The following ELMOD1 variants were observed in gnomAD, a reference collection of about 807,000 sequenced individuals.
ELMOD1 encodes ELMO domain-containing protein 1.
Under a neutral mutation model 46.7 loss-of-function variants are expected in ELMOD1, and 21 were observed. The ratio of observed to expected loss-of-function variants is 0.45; its 90% CI spans 0.32 to 0.65. The LOEUF is 0.65. Among genes scored for constraint, ELMOD1 ranks in the 30% least tolerant of loss-of-function variants. The probability of loss-of-function intolerance (pLI) is 0.04; values close to 1 mark genes in which losing one functional copy is unlikely to be tolerated. For missense variants in ELMOD1, 348 were observed against 407.8 expected, an observed-to-expected ratio of 0.85 and a Z score of 1.26; for synonymous variants, 122 against 138.2, an observed-to-expected ratio of 0.88 and a Z score of 0.82.
chr11:107,615,699 T>C (rs913974172), intron 1 of ELMOD1, among the ~76,000 whole-genome samples: 4 of 152,320 alleles, frequency 2.6e-5, no homozygotes, highest in African/African-American at 7.2e-5. Context: ...TTACGTGTAA[T>C]AGTCATAGCT....
At position 107,606,089 on chromosome 11, in the gene ELMOD1, T is replaced by A. The variant is rs971219880; in HGVS notation, c.-85-12016T>A. 3.3e-5 allele frequency among the ~76,000 whole-genome samples: 5 copies of A among 152,256 alleles called. No individual in the cohort carries two copies. The East Asian group carries it at 9.6e-4, about 29-fold the overall frequency. On this transcript the variant is annotated intron_variant, in intron 1 of 11. Coordinates refer to ENST00000265840, the MANE Select transcript of ELMOD1 (RefSeq NM_018712.4). ...CCCGTTCCTTCTCTCCTCTCTCATTTTGTTTCATGTAGTAGAGTCTTACTG... is the reference window on the plus strand; with the variant it reads ...CCCGTTCCTTCTCTCCTCTCTCATTATGTTTCATGTAGTAGAGTCTTACTG...
intron 1 of ELMOD1, 107 bp from the exon 2 acceptor site, chr11:107,617,998 T>G: frequency 1.6e-6 from 1 of 635,338 alleles, no homozygotes; most frequent in Non-Finnish European, 2.9e-6. Context: ...TTGATAATGT[T>G]CTGGGTGGCT....
chr11:107,616,593 G>T (rs1272166742), intron 1 of ELMOD1, among the ~76,000 whole-genome samples: 1 of 152,114 alleles, frequency 6.6e-6, no homozygotes, highest in Non-Finnish European at 1.5e-5. Flanking sequence ...TGGCCATGCT[G>T]GTCTTGAACG....
At chr11:107,594,202 A>C (rs1347040675) in intron 1 of ELMOD1, among the ~76,000 whole-genome samples, 2 of 151,942 alleles carry the variant, frequency 1.3e-5, no homozygotes, top group Non-Finnish European at 2.9e-5. Flanking sequence ...GTAGTCAGGG[A>C]GTGAGACGCC....
intron 2 of ELMOD1, among the ~76,000 whole-genome samples, chr11:107,628,085 TC>T (rs1421583730): frequency 1.9e-3 from 289 of 151,292 alleles, no homozygotes; most frequent in African/African-American, 6.6e-3. Context: ...TATTGCTCAA[TC>T]TTTTTTTTTT....
intron 2 of ELMOD1, among the ~76,000 whole-genome samples, chr11:107,629,052 A>G (rs1055356081): frequency 1.2e-4 from 18 of 152,146 alleles, no homozygotes; most frequent in Non-Finnish European, 2.6e-4. Context: ...AAAGTATTCC[A>G]TTATGTTATC....
chr11:107,607,589 C>T (rs899173326), intron 1 of ELMOD1, among the ~76,000 whole-genome samples: 2 of 152,068 alleles, frequency 1.3e-5, no homozygotes, highest in African/African-American at 4.8e-5. Flanking sequence ...GCCTGGGGGT[C>T]CAGGCCACAG....
At chr11:107,602,726 C>CT (rs71047612) in intron 1 of ELMOD1, among the ~76,000 whole-genome samples, 53,499 of 144,534 alleles carry the variant, frequency 0.37, 10,584 homozygotes, top group East Asian at 0.71. Context: ...TTCAGATTCC[C>CT]TTTTTTTTTT....
intron 9 of ELMOD1, among the ~76,000 whole-genome samples, chr11:107,653,035 AT>A (rs1866552844): frequency 6.6e-6 from 1 of 152,234 alleles, no homozygotes; most frequent in African/African-American, 2.4e-5. Context: ...ATAGGAATTT[AT>A]AAGTGCCCAT....
chr11:107,613,053 TA>T (rs955746696), intron 1 of ELMOD1, among the ~76,000 whole-genome samples: 12 of 152,272 alleles, frequency 7.9e-5, no homozygotes, highest in African/African-American at 2.9e-4. Context: ...ACCTTCTAAA[TA>T]TTTTTTACTT....
At chr11:107,608,426 T>C (rs1368756387) in intron 1 of ELMOD1, among the ~76,000 whole-genome samples, 1 of 151,738 alleles carries the variant, frequency 6.6e-6, no homozygotes, top group East Asian at 1.9e-4. Flanking sequence ...CATGCAGAGG[T>C]AGACTGAACT....
chr11:107,596,008 A>C (rs1233340956), intron 1 of ELMOD1, among the ~76,000 whole-genome samples: 1 of 152,110 alleles, frequency 6.6e-6, no homozygotes, highest in Admixed American at 6.5e-5. Context: ...CAAATGCCTA[A>C]GGAGAGCTTG....
intron 10 of ELMOD1, among the ~76,000 whole-genome samples, chr11:107,655,573 C>CTTTTTTTTTTTTTTTTTTTTTTTTTTTTT (rs746890763): frequency 1.8e-5 from 2 of 112,470 alleles, no homozygotes; most frequent in Non-Finnish European, 1.7e-5. Flanking sequence ...ATTGAAATGC[C>CTTTTTTTTTTTTTTTTTTTTTTTTTTTTT]TTTTTTTTTT....
intron 1 of ELMOD1, among the ~76,000 whole-genome samples, chr11:107,610,741 A>G (rs774452960): frequency 2.6e-5 from 4 of 151,982 alleles, no homozygotes; most frequent in Non-Finnish European, 5.9e-5. Context: ...ATGTAACCAT[A>G]TTGAAGTCAA....
At chr11:107,655,797 TA>T in intron 10 of ELMOD1, 135 bp from the exon 11 acceptor site, 1 of 944,804 alleles carries the variant, frequency 1.1e-6, no homozygotes, top group Non-Finnish European at 1.5e-6. Flanking sequence ...TTTTAGACCA[TA>T]AAGTGACTTC....
At position 107,615,610 on chromosome 11, in the gene ELMOD1, A is replaced by C. The variant is rs183540203; in HGVS notation, c.-85-2495A>C. Among the ~76,000 whole-genome samples the C allele has an allele frequency of 2.1e-3, 318 of 152,250 alleles. 1 individual carries two copies. Among genetic ancestry groups the C allele is most frequent in the African/African-American group, 7.3e-3 (305 of 41,534 alleles). On this transcript the variant is annotated intron_variant, in intron 1 of 11. Coordinates refer to ENST00000265840, the MANE Select transcript of ELMOD1 (RefSeq NM_018712.4). ...ATACTGATACCTTATTATTAACTAAAGTCCTTGCTTCATTCAATTTTTCTT... is the reference window on the plus strand; with the variant it reads ...ATACTGATACCTTATTATTAACTAACGTCCTTGCTTCATTCAATTTTTCTT...
chr11:107,635,499 A>G (rs1002157859), intron 5 of ELMOD1, 137 bp from the exon 6 acceptor site: 1 of 881,000 alleles, frequency 1.1e-6, no homozygotes, highest in African/African-American at 1.7e-5. Context: ...TGCTTCTATT[A>G]AATAGATCAT....
chr11:107,661,168 C>T (rs982828898), intron 11 of ELMOD1, among the ~76,000 whole-genome samples: 4 of 152,136 alleles, frequency 2.6e-5, no homozygotes, highest in Admixed American at 1.3e-4. Flanking sequence ...CTTCAATCTT[C>T]GGAGGAAGAA....
At chr11:107,601,540 C>T (rs572688021) in intron 1 of ELMOD1, among the ~76,000 whole-genome samples, 73 of 151,184 alleles carry the variant, frequency 4.8e-4, no homozygotes, top group African/African-American at 1.7e-3. Context: ...CTCAGCCTCC[C>T]GAGTAGCTGG....
Sources: allele counts gnomAD v4.1 joint callset (sites outside exome capture counted in the v4.1 genomes callset), GRCh38; gene constraint gnomAD v4.1.1; transcripts MANE v1.5; gene names NCBI Gene and HGNC (gene_info 2026-07-23, HGNC 2026-07-21).